The following SOX5 variants were observed in gnomAD, a reference collection of about 807,000 sequenced individuals.
SOX5 encodes transcription factor SOX-5.
A neutral mutation model predicts 92.0 loss-of-function variants in SOX5; 9 were observed. The ratio of observed to expected loss-of-function variants is 0.10; its 90% CI spans 0.06 to 0.17. SOX5 has a LOEUF of 0.17. Ranked by LOEUF, SOX5 falls within the 10% of genes least tolerant of loss-of-function variation. The pLI is 1.00. For synonymous variants in SOX5, 344 were observed against 336.3 expected (o/e 1.02, Z -0.25); for missense variants, 642 against 944.5 (o/e 0.68, Z 4.20).
chr12:24,337,891 A>G (rs1471453182), intron 2 of SOX5, among the ~76,000 whole-genome samples: 1 of 152,234 alleles, frequency 6.6e-6, no homozygotes, highest in Non-Finnish European at 1.5e-5. Flanking sequence ...AAGAAATGAC[A>G]CAAGAACTTT....
chr12:24,033,441 C>T (rs920078433), intron 4 of SOX5, among the ~76,000 whole-genome samples: 3 of 151,890 alleles, frequency 2.0e-5, no homozygotes, highest in Non-Finnish European at 4.4e-5. Flanking sequence ...TCAATCCCAG[C>T]TTAAAAAAAT....
chr12:24,021,263 T>A (rs541536389), intron 4 of SOX5, among the ~76,000 whole-genome samples: 3 of 152,060 alleles, frequency 2.0e-5, no homozygotes, highest in Admixed American at 1.3e-4. Context: ...GGGACAGAGG[T>A]CTAAGTGGCT....
chr12:24,414,203 GTAT>G (rs1314329423), intron 1 of SOX5, among the ~76,000 whole-genome samples: 4 of 151,944 alleles, frequency 2.6e-5, no homozygotes, highest in Admixed American at 2.6e-4. Flanking sequence ...ATGTATCCCA[GTAT>G]TATTATTATC....
intron 4 of SOX5, among the ~76,000 whole-genome samples, chr12:24,017,722 G>T (rs1363139979): frequency 6.6e-6 from 1 of 152,152 alleles, no homozygotes; most frequent in East Asian, 1.9e-4. Context: ...CCCTATGCAA[G>T]AATCTTCTCA....
chr12:24,333,128 C>G (rs1050753560), intron 2 of SOX5, among the ~76,000 whole-genome samples: 1 of 151,776 alleles, frequency 6.6e-6, no homozygotes, highest in Non-Finnish European at 1.5e-5. Flanking sequence ...CAAATTTTTC[C>G]CCCAGTAAAG....
At chr12:24,185,158 C>T (rs2139333007) in intron 4 of SOX5, among the ~76,000 whole-genome samples, 1 of 152,268 alleles carries the variant, frequency 6.6e-6, no homozygotes, top group Admixed American at 6.5e-5. Context: ...TATACCCTTA[C>T]ACAGATATAT....
At chr12:23,937,706 G>T (rs1942879243) in intron 1 of SOX5, among the ~76,000 whole-genome samples, 1 of 150,862 alleles carries the variant, frequency 6.6e-6, no homozygotes, top group African/African-American at 2.4e-5. Context: ...TACTTTATTA[G>T]TGAAACCTAC....
At chr12:23,617,790 A>G (rs986833206) in intron 8 of SOX5, among the ~76,000 whole-genome samples, 3 of 152,110 alleles carry the variant, frequency 2.0e-5, no homozygotes, top group Admixed American at 6.6e-5. Flanking sequence ...GCTAGAAAAA[A>G]AAAACATTTT....
chr12:24,321,575 C>T (rs950338836), intron 2 of SOX5, among the ~76,000 whole-genome samples: 1 of 152,132 alleles, frequency 6.6e-6, no homozygotes, highest in Admixed American at 6.5e-5. Flanking sequence ...ATATCACATA[C>T]TCATTTCATA....
chr12:24,301,841 T>C, intron 2 of SOX5, among the ~76,000 whole-genome samples: 1 of 152,224 alleles, frequency 6.6e-6, no homozygotes, highest in Non-Finnish European at 1.5e-5. Flanking sequence ...TGATCCAAGC[T>C]GATTTTAACA....
chr12:24,061,116 C>A (rs4963564), intron 4 of SOX5, among the ~76,000 whole-genome samples: 1 of 151,792 alleles, frequency 6.6e-6, no homozygotes, highest in African/African-American at 2.4e-5. Context: ...CTTTCCTCCT[C>A]CTTTTTTTTT....
chr12:24,068,994 A>G (rs1941352814), intron 4 of SOX5, among the ~76,000 whole-genome samples: 1 of 151,716 alleles, frequency 6.6e-6, no homozygotes, highest in Admixed American at 6.6e-5. Flanking sequence ...ATTTGGGAAA[A>G]AAAAAAAAAG....
chr12:23,689,573 T>C (rs1339412366), intron 6 of SOX5, among the ~76,000 whole-genome samples: 1 of 152,204 alleles, frequency 6.6e-6, no homozygotes, highest in Non-Finnish European at 1.5e-5. Context: ...TTTATGCTTT[T>C]ATTGTCAGAT....
At chr12:23,851,486 T>C (rs2096633261) in intron 2 of SOX5, among the ~76,000 whole-genome samples, 2 of 152,102 alleles carry the variant, frequency 1.3e-5, no homozygotes, top group South Asian at 4.1e-4. Context: ...GTTAAGATTA[T>C]CAAATTAAAT....
At chr12:24,013,340 A>G (rs1228303797) in intron 4 of SOX5, among the ~76,000 whole-genome samples, 1 of 152,182 alleles carries the variant, frequency 6.6e-6, no homozygotes, top group African/African-American at 2.4e-5. Flanking sequence ...TTCATAATAA[A>G]AAAGAGGTAT....
chr12:23,536,885 T>C (rs1940607834), intron 13 of SOX5, among the ~76,000 whole-genome samples: 1 of 152,074 alleles, frequency 6.6e-6, no homozygotes, highest in African/African-American at 2.4e-5. Flanking sequence ...TTTTTTCTGG[T>C]TTGCATTCTA....
chr12:24,181,666 C>T (rs1955511317), intron 4 of SOX5, among the ~76,000 whole-genome samples: 1 of 152,050 alleles, frequency 6.6e-6, no homozygotes, highest in African/African-American at 2.4e-5. Context: ...ACATGGTAAG[C>T]AATATTTTAG....
chr12:24,002,340 G>A (rs1569460784), intron 4 of SOX5, among the ~76,000 whole-genome samples: 1 of 151,554 alleles, frequency 6.6e-6, no homozygotes, highest in Admixed American at 6.6e-5. Flanking sequence ...CAAAAAAAGT[G>A]AAAAAAACCT....
chr12:23,835,375 C>G (rs1261828551), intron 3 of SOX5, among the ~76,000 whole-genome samples: 1 of 151,806 alleles, frequency 6.6e-6, no homozygotes, highest in African/African-American at 2.4e-5. Context: ...GCTGTGTGAT[C>G]TCAGGCATAT....
Sources: gnomAD v4.1 joint callset for allele counts (sites outside exome capture counted in the v4.1 genomes callset) on GRCh38, gnomAD v4.1.1 for gene constraint, MANE v1.5 for transcripts, NCBI Gene and HGNC (gene_info 2026-07-23, HGNC 2026-07-21) for gene names.